The following MAP4K3 variants were observed in gnomAD, a reference collection of about 807,000 sequenced individuals.
MAP4K3 encodes the protein MAPK/ERK kinase kinase kinase 3.
In MAP4K3, 94 loss-of-function variants were observed where a neutral mutation model predicts 143.5. The observed-to-expected ratio is 0.65, with a 90% CI of 0.55 to 0.78. The LOEUF is 0.78. MAP4K3 is among the 30% of genes least tolerant of loss of function. The pLI is 0.00. For missense variants in MAP4K3, 1,077 were observed against 1,068.1 expected, an observed-to-expected ratio of 1.01 and a Z score of -0.12; for synonymous variants, 416 against 347.2, an observed-to-expected ratio of 1.20 and a Z score of -2.20.
At chr2:39,419,149 T>TA (rs1667477538) in intron 1 of MAP4K3, among the ~76,000 whole-genome samples, 1 of 152,146 alleles carries the variant, frequency 6.6e-6, no homozygotes, top group Non-Finnish European at 1.5e-5. Flanking sequence ...AGTATGAACT[T>TA]AAAAAGATAA....
chr2:39,269,370 T>A (rs1047590843), intron 26 of MAP4K3, among the ~76,000 whole-genome samples: 1 of 151,992 alleles, frequency 6.6e-6, no homozygotes, highest in African/African-American at 2.4e-5. Flanking sequence ...ACTGAGTCCT[T>A]ACTATGTGCC....
chr2:39,350,833 T>C (rs527994499), intron 3 of MAP4K3, among the ~76,000 whole-genome samples: 4 of 152,252 alleles, frequency 2.6e-5, no homozygotes, highest in African/African-American at 9.6e-5. Context: ...TTTTTGCCCA[T>C]ATCTCCACAA....
In MAP4K3 at chr2:39,382,411, G is replaced by C. The variant is rs183438177; in HGVS notation, c.97-4288C>G. On this transcript the variant is annotated intron_variant, in intron 1 of 33. Coordinates refer to ENST00000263881, the MANE Select transcript of MAP4K3 (RefSeq NM_003618.4). ...GAATATGAATACAAGTTCTGAGTGA[G>C]AGTTAACAACGTTTAGTCCTGGCTC... Among the ~76,000 whole-genome samples, 178 of 152,322 alleles carry C rather than the reference G, an allele frequency of 1.2e-3. 1 individual carries two copies. The highest frequency in any genetic ancestry group is 3.9e-4 in the East Asian group (2 of 5,180).
At chr2:39,358,939 A>G (rs1204761383) in intron 2 of MAP4K3, among the ~76,000 whole-genome samples, 1 of 151,778 alleles carries the variant, frequency 6.6e-6, no homozygotes, top group Non-Finnish European at 1.5e-5. Flanking sequence ...ACATCATTCC[A>G]CTCCTGGCCC....
At chr2:39,419,805 CTG>C (rs1050579942) in intron 1 of MAP4K3, among the ~76,000 whole-genome samples, 7 of 152,156 alleles carry the variant, frequency 4.6e-5, no homozygotes, top group African/African-American at 1.4e-4. Flanking sequence ...CTAAACATAA[CTG>C]TGTGTGGACT....
chr2:39,272,918 T>C (rs962359686), intron 24 of MAP4K3, among the ~76,000 whole-genome samples: 1 of 152,006 alleles, frequency 6.6e-6, no homozygotes, highest in Non-Finnish European at 1.5e-5. Context: ...AATAGACGTA[T>C]CTAGGCACAA....
At chr2:39,301,966 G>A (rs1170186238) in intron 15 of MAP4K3, among the ~76,000 whole-genome samples, 1 of 151,998 alleles carries the variant, frequency 6.6e-6, no homozygotes, top group Non-Finnish European at 1.5e-5. Context: ...GGAGGTTGCA[G>A]TGAGCCAACA....
chr2:39,352,800 A>G (rs1314507676), intron 3 of MAP4K3, among the ~76,000 whole-genome samples: 1 of 152,190 alleles, frequency 6.6e-6, no homozygotes, highest in Non-Finnish European at 1.5e-5. Context: ...AAGAAAATTC[A>G]TAGGGTAAAT....
chr2:39,394,099 T>C (rs1485605335), intron 1 of MAP4K3, among the ~76,000 whole-genome samples: 3 of 152,240 alleles, frequency 2.0e-5, no homozygotes, highest in Non-Finnish European at 4.4e-5. Context: ...ACTTTTGTTA[T>C]GCTTTATAAA....
chr2:39,310,729 T>C (rs1052643485), intron 13 of MAP4K3, among the ~76,000 whole-genome samples: 1 of 152,242 alleles, frequency 6.6e-6, no homozygotes, highest in Non-Finnish European at 1.5e-5. Flanking sequence ...CCCTTTTCTC[T>C]GCATTTTCAC....
Position 39,250,544 on chromosome 2 carries a change from G to A in MAP4K3, c.*74C>T. On this transcript the variant is annotated 3_prime_UTR_variant, in exon 34 of 34. Coordinates refer to ENST00000263881, the MANE Select transcript of MAP4K3 (RefSeq NM_003618.4). ...GACAGGTTACTGCAGCTTTTGTACA[G>A]CTTCAAGCATCCATTAATGTTGCAG... The A allele has an allele frequency of 8.8e-6, 12 of 1,371,012 alleles. No homozygotes were observed. Among genetic ancestry groups the A allele is most frequent in the Non-Finnish European group, 1.1e-5 (11 of 971,590 alleles). 84.9% of individuals were successfully genotyped at this position (1,371,012 alleles called of 1,614,324 possible). A position where few individuals can be genotyped will look rare whatever the true frequency, so the allele number is the denominator to read the frequency against.
chr2:39,250,657 G>A lies in MAP4K3; in HGVS notation c.2646C>T (p.Ser882=). 1 of 1,613,854 alleles carries A rather than the reference G, an allele frequency of 6.2e-7. No individual in the cohort carries two copies. The highest frequency in any genetic ancestry group is 8.5e-7 in the Non-Finnish European group (1 of 1,179,862). ...CATGACCCGCCAGGATGTACAAATT[G>A]CTATTTGCTGTGGGGTTATCAGTTG... ...SRPTDNPTAN[S]NLYILAGHEN... The change falls in exon 34 of 34, where the codon AGC becomes AGT. Residue 882 remains serine, a synonymous_variant. Transcript: ENST00000263881.
At chr2:39,309,932 C>T (rs974873629) in intron 13 of MAP4K3, among the ~76,000 whole-genome samples, 1 of 152,054 alleles carries the variant, frequency 6.6e-6, no homozygotes, top group African/African-American at 2.4e-5. Context: ...ACATTTAATG[C>T]TACCATCAAC....
chr2:39,430,088 A>ATG (rs1665239424), intron 1 of MAP4K3, among the ~76,000 whole-genome samples: 1 of 152,232 alleles, frequency 6.6e-6, no homozygotes, highest in South Asian at 2.1e-4. Flanking sequence ...TAATAAAGAC[A>ATG]TACACAAGAC....
intron 4 of MAP4K3, among the ~76,000 whole-genome samples, chr2:39,342,935 C>G (rs755405735): frequency 7.2e-5 from 11 of 152,146 alleles, no homozygotes; most frequent in Non-Finnish European, 1.6e-4. Flanking sequence ...TCCTTGAAAT[C>G]CCAGTGAAAA....
At chr2:39,275,429 C>G (rs1228857961) in intron 24 of MAP4K3, among the ~76,000 whole-genome samples, 1 of 152,174 alleles carries the variant, frequency 6.6e-6, no homozygotes, top group African/African-American at 2.4e-5. Context: ...CTGCAGTGAG[C>G]TGTGTTCACG....
At chr2:39,258,156 T>C (rs1680421043) in intron 31 of MAP4K3, among the ~76,000 whole-genome samples, 192 bp downstream of exon 31, 1 of 152,172 alleles carries the variant, frequency 6.6e-6, no homozygotes, top group Non-Finnish European at 1.5e-5. Flanking sequence ...GGTTTTGAAC[T>C]CCTGGCCTCA....
rs373225299 is a variant in MAP4K3, at chr2:39,340,244, G to A, written c.311-2663C>T. ...GAGAGACACATAGAAAGAAATGGAGGTACGTGTCCTACATGACCGTGCAAG... is the reference window on the plus strand; with the variant it reads ...GAGAGACACATAGAAAGAAATGGAGATACGTGTCCTACATGACCGTGCAAG... On this transcript the variant is annotated intron_variant, in intron 4 of 33. Transcript: ENST00000263881. Among the ~76,000 whole-genome samples, 16 of 152,244 alleles carry A rather than the reference G, an allele frequency of 1.1e-4. No individual in the cohort carries two copies. In the East Asian group the frequency reaches 2.9e-3, roughly 28 times the overall value.
intron 3 of MAP4K3, among the ~76,000 whole-genome samples, chr2:39,344,174 G>C (rs1665219034): frequency 1.3e-5 from 2 of 152,126 alleles, no homozygotes; most frequent in Admixed American, 6.5e-5. Flanking sequence ...TGCCTTCTTA[G>C]TGTCTAGAAG....
Sources: gnomAD v4.1 joint callset for allele counts (sites outside exome capture counted in the v4.1 genomes callset) on GRCh38, gnomAD v4.1.1 for gene constraint, MANE v1.5 for transcripts, NCBI Gene and HGNC (gene_info 2026-07-23, HGNC 2026-07-21) for gene names.